The following LRRC28 variants were observed in gnomAD, a reference collection of about 807,000 sequenced individuals.
LRRC28 encodes leucine-rich repeat-containing protein 28.
LRRC28 carries 39 observed loss-of-function variants against 45.7 expected under a neutral mutation model. The ratio of observed to expected loss-of-function variants is 0.85; its 90% CI spans 0.66 to 1.12. The LOEUF is 1.12. Ranked by LOEUF, LRRC28 falls within the 50% of genes most tolerant of loss-of-function variation. LRRC28 has a pLI of 0.00. For synonymous variants in LRRC28, 206 were observed against 178.8 expected (o/e 1.15, Z -1.22); for missense variants, 435 against 438.5 (o/e 0.99, Z 0.07).
At chr15:99,385,974 T>A in intron 9 of LRRC28, 56 bp from the exon 10 acceptor site, 3 of 1,502,866 alleles carry the variant, frequency 2.0e-6, no homozygotes, top group Non-Finnish European at 2.8e-6. Context: ...GCAGAAAGAA[T>A]CAGAGACTTT....
At chr15:99,326,007 A>G (rs1034085089) in intron 5 of LRRC28, among the ~76,000 whole-genome samples, 1 of 152,170 alleles carries the variant, frequency 6.6e-6, no homozygotes, top group Non-Finnish European at 1.5e-5. Flanking sequence ...AGATGGTAAT[A>G]GGCTGAGCTT....
In LRRC28 at chr15:99,388,900, G is replaced by C. The variant is rs1958105836; in HGVS notation, c.*2798G>C. 6.6e-6 allele frequency: 1 copy of C among 152,110 alleles called. No homozygotes were observed. The highest frequency in any genetic ancestry group is 2.1e-4 in the South Asian group (1 of 4,828). 9.4% of individuals were successfully genotyped at this position (152,110 alleles called of 1,614,324 possible). ...CCTTCCTATGAAGTAGTGCAAAGGG[G>C]GCCGATTTTAGTGGATTACCCTATC... On this transcript the variant is annotated 3_prime_UTR_variant, in exon 10 of 10. Coordinates refer to ENST00000301981, the MANE Select transcript of LRRC28 (RefSeq NM_144598.5).
intron 6 of LRRC28, among the ~76,000 whole-genome samples, chr15:99,335,106 G>A (rs1345057095): frequency 1.3e-5 from 2 of 151,984 alleles, no homozygotes; most frequent in Non-Finnish European, 2.9e-5. Flanking sequence ...TCAGAAGCAG[G>A]CTACATTTCT....
intron 2 of LRRC28, among the ~76,000 whole-genome samples, chr15:99,266,942 A>T (rs7171217): frequency 3.3e-5 from 5 of 151,946 alleles, no homozygotes; most frequent in African/African-American, 7.3e-5. Flanking sequence ...TTGGAGATGG[A>T]TGGAGAGTAT....
intron 3 of LRRC28, among the ~76,000 whole-genome samples, chr15:99,282,433 C>T (rs1296472620): frequency 6.6e-6 from 1 of 152,066 alleles, no homozygotes; most frequent in Admixed American, 6.6e-5. Context: ...ATAATTGTTT[C>T]ATGTACAGTC....
intron 2 of LRRC28, among the ~76,000 whole-genome samples, chr15:99,265,317 A>G (rs1480422333): frequency 6.6e-6 from 1 of 152,144 alleles, no homozygotes; most frequent in African/African-American, 2.4e-5. Flanking sequence ...AGAGAGTGAT[A>G]TAACATGAAA....
At chr15:99,305,350 T>A (rs978444636) in intron 5 of LRRC28, among the ~76,000 whole-genome samples, 1 of 152,224 alleles carries the variant, frequency 6.6e-6, no homozygotes, top group African/African-American at 2.4e-5. Flanking sequence ...TGGTTTAATT[T>A]TTCTGTAATT....
At chr15:99,294,099 T>G (rs1263117876) in intron 5 of LRRC28, among the ~76,000 whole-genome samples, 1 of 152,178 alleles carries the variant, frequency 6.6e-6, no homozygotes, top group Non-Finnish European at 1.5e-5. Context: ...GCATTAAGAT[T>G]TCTCTCTTTA....
chr15:99,363,717 T>G (rs1957268982), intron 9 of LRRC28, among the ~76,000 whole-genome samples: 1 of 152,258 alleles, frequency 6.6e-6, no homozygotes, highest in Admixed American at 6.5e-5. Flanking sequence ...TTTTGAATTT[T>G]TAACCCTTCC....
At chr15:99,302,284 C>T (rs1955007640) in intron 5 of LRRC28, among the ~76,000 whole-genome samples, 1 of 152,170 alleles carries the variant, frequency 6.6e-6, no homozygotes, top group Non-Finnish European at 1.5e-5. Flanking sequence ...GCCTCGGCCT[C>T]CCAAAGTGCT....
chr15:99,380,543 A>T (rs940398246), intron 9 of LRRC28, among the ~76,000 whole-genome samples: 2 of 152,168 alleles, frequency 1.3e-5, no homozygotes, highest in Non-Finnish European at 2.9e-5. Flanking sequence ...ATTTAAGGTT[A>T]ATATTGTTAT....
chr15:99,303,023 G>C (rs758941637), intron 5 of LRRC28, among the ~76,000 whole-genome samples: 35 of 152,296 alleles, frequency 2.3e-4, no homozygotes, highest in Non-Finnish European at 4.1e-4. Context: ...ATACCTAAGA[G>C]TAGAATTGCT....
chr15:99,309,370 AGT>A (rs1955312530), intron 5 of LRRC28, among the ~76,000 whole-genome samples: 1 of 127,264 alleles, frequency 7.9e-6, no homozygotes, highest in South Asian at 2.6e-4. Flanking sequence ...GTTATGAACT[AGT>A]CTTTATTTGT....
intron 9 of LRRC28, among the ~76,000 whole-genome samples, chr15:99,363,648 T>C (rs1213458221): frequency 2.0e-5 from 3 of 152,252 alleles, no homozygotes. Flanking sequence ...TGAAAATGTG[T>C]GATTGAGTTC....
chr15:99,303,698 GT>G (rs1047552907), intron 5 of LRRC28, among the ~76,000 whole-genome samples: 3 of 152,076 alleles, frequency 2.0e-5, no homozygotes, highest in African/African-American at 7.2e-5. Context: ...GCTGGGCGTG[GT>G]GGTGCATGCC....
intron 6 of LRRC28, among the ~76,000 whole-genome samples, chr15:99,344,507 T>C (rs1287125651): frequency 6.6e-6 from 1 of 152,220 alleles, no homozygotes; most frequent in Non-Finnish European, 1.5e-5. Context: ...AGATACTGAT[T>C]TTCTTTCAGC....
chr15:99,324,197 A>G (rs1008738240), intron 5 of LRRC28, among the ~76,000 whole-genome samples: 3 of 152,192 alleles, frequency 2.0e-5, no homozygotes, highest in African/African-American at 7.2e-5. Context: ...GAGGGTAGAC[A>G]GGGCGGGTAC....
chr15:99,360,537 G>C (rs1239588366), intron 7 of LRRC28, among the ~76,000 whole-genome samples: 1 of 152,150 alleles, frequency 6.6e-6, no homozygotes. Context: ...AATGAATCAA[G>C]GGCTTCTGGC....
chr15:99,332,178 G>A (rs1956183526), intron 5 of LRRC28, among the ~76,000 whole-genome samples: 2 of 152,204 alleles, frequency 1.3e-5, no homozygotes, highest in South Asian at 4.1e-4. Context: ...GAAATCAGAA[G>A]CATTTTTGTT....
Sources: allele counts gnomAD v4.1 joint callset (sites outside exome capture counted in the v4.1 genomes callset), GRCh38; gene constraint gnomAD v4.1.1; transcripts MANE v1.5; gene names NCBI Gene and HGNC (gene_info 2026-07-23, HGNC 2026-07-21).